The following PAIP2B variants were observed in gnomAD, a reference collection of about 807,000 sequenced individuals.
The protein encoded by PAIP2B is polyadenylate-binding protein-interacting protein 2B.
A neutral mutation model predicts 17.0 loss-of-function variants in PAIP2B; 13 were observed. The observed-to-expected ratio is 0.76, with a 90% CI of 0.50 to 1.22. PAIP2B has a LOEUF of 1.22. PAIP2B is among the 50% of genes most tolerant of loss of function. PAIP2B has a pLI of 0.00. For synonymous variants in PAIP2B, 43 were observed against 48.7 expected, an observed-to-expected ratio of 0.88 and a Z score of 0.48; for missense variants, 117 against 144.5, an observed-to-expected ratio of 0.81 and a Z score of 0.98.
chr2:71,221,426 T>G (rs184818424), intron 1 of PAIP2B, among the ~76,000 whole-genome samples: 42 of 152,284 alleles, frequency 2.8e-4, no homozygotes, highest in African/African-American at 9.4e-4. Flanking sequence ...AGCCTTTCTA[T>G]CCTCCCATTC....
At chr2:71,225,631 C>T (rs543548004) in intron 1 of PAIP2B, among the ~76,000 whole-genome samples, 1 of 152,170 alleles carries the variant, frequency 6.6e-6, no homozygotes, top group African/African-American at 2.4e-5. Flanking sequence ...CAAAATAAAA[C>T]CCTCACTGTC....
At chr2:71,205,601 T>C (rs1257821453) in intron 1 of PAIP2B, among the ~76,000 whole-genome samples, 2 of 152,188 alleles carry the variant, frequency 1.3e-5, no homozygotes, top group Non-Finnish European at 2.9e-5. Flanking sequence ...TCATCACCCT[T>C]AACTTCCCTG....
chr2:71,183,501 G>A lies in PAIP2B; in HGVS notation c.*4978C>T, dbSNP rs1442069067. On this transcript the variant is annotated 3_prime_UTR_variant, in exon 4 of 4. Coordinates refer to ENST00000244221, the MANE Select transcript of PAIP2B (RefSeq NM_020459.1). ...AGCTTCCCCTATAAGTCCTACGTTCGGAGGGTTCCGTTTAGACAACAGGAA... is the reference window on the plus strand; with the variant it reads ...AGCTTCCCCTATAAGTCCTACGTTCAGAGGGTTCCGTTTAGACAACAGGAA... The A allele has an allele frequency of 2.3e-5, 3 of 132,628 alleles. No individual in the cohort carries two copies. Among genetic ancestry groups the A allele is most frequent in the African/African-American group, 5.9e-5 (2 of 34,146 alleles). 8.2% of individuals were successfully genotyped at this position (132,628 alleles called of 1,614,324 possible).
At chr2:71,213,435 G>A (rs1277895088) in intron 1 of PAIP2B, among the ~76,000 whole-genome samples, 1 of 152,180 alleles carries the variant, frequency 6.6e-6, no homozygotes, top group East Asian at 1.9e-4. Flanking sequence ...GGGGGAGAAA[G>A]AGGGTCCTTG....
chr2:71,201,433 G>A (rs1305275951), intron 2 of PAIP2B, among the ~76,000 whole-genome samples: 7 of 151,478 alleles, frequency 4.6e-5, no homozygotes, highest in Admixed American at 4.6e-4. Context: ...GCCCAGGCTG[G>A]AGTGCAGTGG....
At chr2:71,199,547 T>C (rs901325941) in intron 2 of PAIP2B, among the ~76,000 whole-genome samples, 5 of 151,900 alleles carry the variant, frequency 3.3e-5, no homozygotes, top group African/African-American at 1.2e-4. Flanking sequence ...TCTCCCTTTT[T>C]TTCCCCCTTA....
At position 71,187,158 on chromosome 2, in the gene PAIP2B, T is replaced by C. The variant is rs1210247337; in HGVS notation, c.*1321A>G. The C allele has an allele frequency of 6.6e-6, 1 of 152,248 alleles. No homozygotes were observed. Among genetic ancestry groups the C allele is most frequent in the Non-Finnish European group, 1.5e-5 (1 of 68,064 alleles). The allele number at this position is 152,248 out of a possible 1,614,324, so 9.4% of individuals were successfully genotyped here. A position where few individuals can be genotyped will look rare whatever the true frequency, so the allele number is the denominator to read the frequency against. Reference sequence around the variant, plus strand: ...CTCTCCTGTACCCCACACTGCCATCTACATCTCTATACACGAAGGTAGCTC... The same window carrying C: ...CTCTCCTGTACCCCACACTGCCATCCACATCTCTATACACGAAGGTAGCTC... On this transcript the variant is annotated 3_prime_UTR_variant, in exon 4 of 4. Transcript: ENST00000244221.
intron 3 of PAIP2B, 47 bp from the exon 4 acceptor site, chr2:71,188,582 T>A: frequency 1.3e-6 from 2 of 1,499,254 alleles, no homozygotes; most frequent in Admixed American, 3.8e-5. Flanking sequence ...AAGCTGCATT[T>A]TAAAACTTAC....
At chr2:71,223,893 G>C (rs1179932715) in intron 1 of PAIP2B, among the ~76,000 whole-genome samples, 46 of 152,340 alleles carry the variant, frequency 3.0e-4, no homozygotes, top group Non-Finnish European at 4.4e-5. Context: ...CCATGAAACA[G>C]ACCCTAGCAG....
Position 71,189,912 on chromosome 2 carries a change from A to C in PAIP2B, c.248T>G (p.Met83Arg). 1 of 1,590,870 alleles carries C rather than the reference A, an allele frequency of 6.3e-7. No individual in the cohort carries two copies. The highest frequency in any genetic ancestry group is 1.1e-5 in the South Asian group (1 of 87,010). Residue 83 changes from methionine to arginine, a missense_variant, in exon 3 of 4, where the codon ATG (methionine) becomes AGG (arginine). Transcript: ENST00000244221. ...FIPSRDLPQA[M>R]GQLQQQLNGL... ...ATTTAACTGCTGTTGCAACTGTCCC[A>C]TGGCCTGAGGCAGGTCTCGTGAGGG...
In PAIP2B at chr2:71,187,823, A is replaced by G. The variant is rs1674576130; in HGVS notation, c.*656T>C. 1 of 152,756 alleles carries G rather than the reference A, an allele frequency of 6.5e-6. No individual in the cohort carries two copies. The highest frequency in any genetic ancestry group is 2.4e-5 in the African/African-American group (1 of 41,454). 9.5% of individuals were successfully genotyped at this position (152,756 alleles called of 1,614,324 possible). Reference sequence around the variant, plus strand: ...TAACTAAATGACTCAAGTGACAACCACCATCACAGCCCTACCTTCTGATTT... The same window carrying G: ...TAACTAAATGACTCAAGTGACAACCGCCATCACAGCCCTACCTTCTGATTT... On this transcript the variant is annotated 3_prime_UTR_variant, in exon 4 of 4. Coordinates refer to ENST00000244221, the MANE Select transcript of PAIP2B (RefSeq NM_020459.1).
At chr2:71,211,040 A>T (rs748267867) in intron 1 of PAIP2B, among the ~76,000 whole-genome samples, 32 of 152,190 alleles carry the variant, frequency 2.1e-4, no homozygotes, top group Non-Finnish European at 5.9e-5. Flanking sequence ...TGAGGTCAGG[A>T]GTTCTAGACC....
intron 1 of PAIP2B, among the ~76,000 whole-genome samples, chr2:71,203,823 T>C (rs941686333): frequency 6.6e-6 from 1 of 152,044 alleles, no homozygotes; most frequent in Admixed American, 6.6e-5. Context: ...CGGCCTTAAA[T>C]TTTTCTAGCT....
chr2:71,188,208 A>C lies in PAIP2B; in HGVS notation c.*271T>G. 2.1e-6 allele frequency: 1 copy of C among 470,376 alleles called. No individual in the cohort carries two copies. Among genetic ancestry groups the C allele is most frequent in the South Asian group, 3.1e-5 (1 of 32,126 alleles). 29.1% of individuals were successfully genotyped at this position (470,376 alleles called of 1,614,324 possible). A position where few individuals can be genotyped will look rare whatever the true frequency, so the allele number is the denominator to read the frequency against. The stretch of plus-strand genomic sequence containing the variant: ...CGGAACACTTCTGATGAAGGGGGGA[A>C]AATGCAATTTCCTTAACTCGAAAGA... On this transcript the variant is annotated 3_prime_UTR_variant, in exon 4 of 4. Coordinates refer to ENST00000244221, the MANE Select transcript of PAIP2B (RefSeq NM_020459.1).
intron 2 of PAIP2B, among the ~76,000 whole-genome samples, chr2:71,194,985 T>G (rs1391627768): frequency 1.3e-5 from 2 of 152,244 alleles, no homozygotes; most frequent in Non-Finnish European, 2.9e-5. Context: ...ATTGAGATAA[T>G]CATGTGGCTT....
chr2:71,200,414 G>A (rs554004657), intron 2 of PAIP2B, among the ~76,000 whole-genome samples: 21 of 152,216 alleles, frequency 1.4e-4, no homozygotes, highest in Admixed American at 6.5e-4. Context: ...AGGCTTCTCC[G>A]AAATACTTAC....
intron 2 of PAIP2B, among the ~76,000 whole-genome samples, chr2:71,199,844 A>C (rs914542433): frequency 6.6e-6 from 1 of 152,226 alleles, no homozygotes; most frequent in Non-Finnish European, 1.5e-5. Flanking sequence ...TGGGCAACAT[A>C]GCAAGACCCC....
chr2:71,200,843 A>C (rs1674961900), intron 2 of PAIP2B, among the ~76,000 whole-genome samples: 1 of 152,224 alleles, frequency 6.6e-6, no homozygotes, highest in African/African-American at 2.4e-5. Flanking sequence ...GGGGAATTTG[A>C]GCAAACAATT....
At chr2:71,221,838 G>A (rs1675588796) in intron 1 of PAIP2B, among the ~76,000 whole-genome samples, 3 of 152,162 alleles carry the variant, frequency 2.0e-5, no homozygotes, top group African/African-American at 7.2e-5. Context: ...AAATGCACCA[G>A]TCAGCGCTCT....
Sources: allele counts gnomAD v4.1 joint callset (sites outside exome capture counted in the v4.1 genomes callset), GRCh38; gene constraint gnomAD v4.1.1; transcripts MANE v1.5; gene names NCBI Gene and HGNC (gene_info 2026-07-23, HGNC 2026-07-21).